PCBP2: variants seen among roughly 807,000 people sequenced by gnomAD.
PCBP2 encodes poly(rC)-binding protein 2.
In PCBP2, 4 loss-of-function variants were observed where a neutral mutation model predicts 50.1. The ratio of observed to expected loss-of-function variants is 0.08; its 90% CI spans 0.04 to 0.18. PCBP2 has a LOEUF of 0.18. Ranked by LOEUF, PCBP2 falls within the 10% of genes least tolerant of loss-of-function variation. The probability of loss-of-function intolerance (pLI) is 1.00; values close to 1 mark genes in which losing one functional copy is unlikely to be tolerated. For missense variants in PCBP2, 161 were observed against 474.3 expected (o/e 0.34, Z 6.14); for synonymous variants, 179 against 168.0 (o/e 1.07, Z -0.51).
chr12:53,455,642 G>A, intron 4 of PCBP2, 149 bp downstream of exon 4: 1 of 859,388 alleles, frequency 1.2e-6, no homozygotes, highest in South Asian at 1.6e-5. Context: ...AATCTGGGGA[G>A]TGTATTTTTT....
Position 53,467,860 on chromosome 12 carries a change from A to AC in PCBP2, c.826+17_826+18insC, listed in dbSNP as rs779605334. Reference sequence around the variant, plus strand: ...GCTATTGGGGTAATGATTAAAAAAAAAAAAATCTGTAGTATTCTACTGTTA... The same window carrying AC: ...GCTATTGGGGTAATGATTAAAAAAAACAAAAATCTGTAGTATTCTACTGTTA... On this transcript the variant is annotated intron_variant, in intron 12 of 14. Transcript: ENST00000546463. The AC allele has an allele frequency of 6.3e-7, 1 of 1,590,978 alleles. No homozygotes were observed. Among genetic ancestry groups the AC allele is most frequent in the Non-Finnish European group, 8.6e-7 (1 of 1,159,114 alleles).
chr12:53,461,228 T>TA, intron 7 of PCBP2, 85 bp downstream of exon 7: 1 of 1,465,184 alleles, frequency 6.8e-7, no homozygotes, highest in Non-Finnish European at 9.3e-7. Context: ...AGACTAGAAT[T>TA]AAGTGAGGCT....
Position 53,476,446 on chromosome 12 carries a change from T to C in PCBP2, c.1053-2960T>C, listed in dbSNP as rs114924047. On this transcript the variant is annotated intron_variant, in intron 14 of 14. Coordinates refer to ENST00000546463, the MANE Select transcript of PCBP2 (RefSeq NM_031989.5). ...TAACCTCCCTGAAATCTTGTTCATTTTCTTATACTAAGATGGGCACAGGCC... is the reference window on the plus strand; with the variant it reads ...TAACCTCCCTGAAATCTTGTTCATTCTCTTATACTAAGATGGGCACAGGCC... 6.2e-3 allele frequency among the ~76,000 whole-genome samples: 944 copies of C among 152,332 alleles called. 9 individuals carry two copies. The highest frequency in any genetic ancestry group is 0.022 in the African/African-American group (901 of 41,560).
At chr12:53,471,071 A>G (rs11170562) in intron 13 of PCBP2, among the ~76,000 whole-genome samples, 42,381 of 151,828 alleles carry the variant, frequency 0.28, 7,205 homozygotes, top group East Asian at 0.73. Context: ...GTCACTCACC[A>G]TGGGTGGTCA....
At position 53,461,045 on chromosome 12, in the gene PCBP2, G is replaced by T; in HGVS notation, c.406G>T (p.Asp136Tyr). The change falls in exon 7 of 15, where the codon GAT becomes TAT. Residue 136 changes from aspartate (D) to tyrosine (Y), a missense_variant. By Grantham distance (160) the Asp-to-Tyr change is radical. This residue lies in a region of PCBP2 where 13 missense variants were observed against 71.8 expected (regional missense o/e 0.18). Transcript: ENST00000546463. ...STGAQVQVAGDMLPNSTERAI... is the reference protein window; with the variant it reads ...STGAQVQVAGYMLPNSTERAI... ...AGGGGCTCAGGTCCAGGTGGCAGGG[G>T]ATATGCTACCCAACTCAACTGAGCG... 1 of 1,613,714 alleles carries T rather than the reference G, an allele frequency of 6.2e-7. No homozygotes were observed. The highest frequency in any genetic ancestry group is 8.5e-7 in the Non-Finnish European group (1 of 1,179,950).
intron 14 of PCBP2, among the ~76,000 whole-genome samples, chr12:53,476,818 T>C (rs1393654111): frequency 6.6e-6 from 1 of 152,202 alleles, no homozygotes; most frequent in Non-Finnish European, 1.5e-5. Flanking sequence ...TAGTTGCTCC[T>C]TTATCATGTG....
chr12:53,454,650 G>T (rs564613363), intron 1 of PCBP2, 76 bp from the exon 2 acceptor site: 22 of 647,504 alleles, frequency 3.4e-5, no homozygotes, highest in Admixed American at 4.9e-5. Context: ...AGAAAATATT[G>T]ATAAGGTGAA....
intron 13 of PCBP2, among the ~76,000 whole-genome samples, chr12:53,470,937 G>T (rs566391113): frequency 6.6e-6 from 1 of 151,760 alleles, no homozygotes; most frequent in Admixed American, 6.6e-5. Flanking sequence ...TTTTTGTTTT[G>T]GCTCTGCTTT....
At chr12:53,459,611 A>G (rs1473900301) in intron 6 of PCBP2, among the ~76,000 whole-genome samples, 1 of 152,164 alleles carries the variant, frequency 6.6e-6, no homozygotes, top group East Asian at 1.9e-4. Flanking sequence ...GAACATGAGA[A>G]TGTTAATCAG....
intron 14 of PCBP2, chr12:53,475,335 G>A: frequency 2.7e-6 from 1 of 370,422 alleles, no homozygotes; most frequent in South Asian, 2.0e-5. Flanking sequence ...ACTACTTTGG[G>A]GGATAACTGG....
intron 14 of PCBP2, chr12:53,476,096 A>AT (rs1330403098): frequency 1.3e-5 from 2 of 152,214 alleles, no homozygotes. Flanking sequence ...TTTCTGTGAC[A>AT]TTAGGTATAT....
chr12:53,467,058 C>T (rs753644912), intron 10 of PCBP2, among the ~76,000 whole-genome samples, 163 bp from the exon 11 acceptor site: 2 of 152,154 alleles, frequency 1.3e-5, no homozygotes, highest in African/African-American at 4.8e-5. Flanking sequence ...TCATATTCTG[C>T]CAATCCCCAG....
chr12:53,479,939 GT>G lies in PCBP2; in HGVS notation c.*501del, dbSNP rs1942947258. The G allele has an allele frequency of 6.6e-6, 1 of 152,080 alleles. No homozygotes were observed. The highest frequency in any genetic ancestry group is 1.5e-5 in the Non-Finnish European group (1 of 68,068). The allele number at this position is 152,080 out of a possible 1,614,324, so 9.4% of individuals were successfully genotyped here. The stretch of plus-strand genomic sequence containing the variant: ...TGGAAGCCTTTATTCCGGTTAAGAT[GT>G]TTTCTTCTATTTTACCACTTCCATC... On this transcript the variant is annotated 3_prime_UTR_variant, in exon 15 of 15. Coordinates refer to ENST00000546463, the MANE Select transcript of PCBP2 (RefSeq NM_031989.5).
intron 5 of PCBP2, among the ~76,000 whole-genome samples, chr12:53,459,032 C>T (rs1269187907): frequency 1.3e-5 from 2 of 152,066 alleles, no homozygotes; most frequent in Admixed American, 6.5e-5. Context: ...TTAGCAAGTA[C>T]ATTCCTTCAG....
In PCBP2 at chr12:53,459,423, C is replaced by CT; in HGVS notation, c.375+24dup. On this transcript the variant is annotated intron_variant, in intron 6 of 14. Transcript: ENST00000546463. ...CGAGAGGTTAGTGACTTTTGTCGTC[C>CT]TTTTAGAAATGTTAACTATTTGTTC... is the stretch of plus-strand genomic sequence containing the variant. 1 of 1,598,540 alleles carries CT rather than the reference C, an allele frequency of 6.3e-7. No homozygotes were observed. The highest frequency in any genetic ancestry group is 1.1e-5 in the South Asian group (1 of 89,784).
intron 12 of PCBP2, 184 bp from the exon 13 acceptor site, chr12:53,468,593 C>A (rs1009386389): frequency 1.7e-6 from 1 of 594,870 alleles, no homozygotes; most frequent in Non-Finnish European, 3.0e-6. Flanking sequence ...AAGAACCTTT[C>A]GAGCATTATT....
At chr12:53,452,463 C>G (rs1473718790) in intron 1 of PCBP2, 87 bp downstream of exon 1, 1 of 151,134 alleles carries the variant, frequency 6.6e-6, no homozygotes, top group Admixed American at 6.6e-5. Context: ...GTCCTAGTCA[C>G]GAGCCGCGGT....
At chr12:53,453,041 G>A (rs1940694404) in intron 1 of PCBP2, 2 of 152,026 alleles carry the variant, frequency 1.3e-5, no homozygotes, top group African/African-American at 2.4e-5. Context: ...TTATGGAAGG[G>A]GTATTGGACA....
Position 53,460,286 on chromosome 12 carries a change from C to T in PCBP2, c.376-729C>T, listed in dbSNP as rs79180895. On this transcript the variant is annotated intron_variant, in intron 6 of 14. Transcript: ENST00000546463. ...TCCTGAGTACCTGGTACCATAGGCG[C>T]GCTCCACAATGCCCGGCTAATTTTT... is the stretch of plus-strand genomic sequence containing the variant. 7.4e-3 allele frequency: 2,129 copies of T among 288,312 alleles called. 36 individuals carry two copies. The highest frequency in any genetic ancestry group is 0.045 in the African/African-American group (1,986 of 44,230). 17.9% of individuals were successfully genotyped at this position (288,312 alleles called of 1,614,324 possible).
Sources: allele counts gnomAD v4.1 joint callset (sites outside exome capture counted in the v4.1 genomes callset), GRCh38; gene constraint gnomAD v4.1.1; regional missense constraint gnomAD v4.1.1; transcripts MANE v1.5; gene names NCBI Gene and HGNC (gene_info 2026-07-23, HGNC 2026-07-21).